GALNT13: variants seen among roughly 807,000 people sequenced by gnomAD.
GALNT13 encodes the protein UDP-GalNAc:polypeptide N-acetylgalactosaminyltransferase 13.
GALNT13 carries 28 observed loss-of-function variants against 64.2 expected under a neutral mutation model. The observed-to-expected ratio is 0.44, with a 90% CI of 0.32 to 0.60. The LOEUF (loss-of-function observed/expected upper bound fraction) is 0.60. GALNT13 is among the 20% of genes least tolerant of loss of function. The pLI is 0.05. For synonymous variants in GALNT13, 214 were observed against 224.6 expected (o/e 0.95, Z 0.42); for missense variants, 577 against 669.8 (o/e 0.86, Z 1.53).
chr2:153,640,158 T>G, the GALNT13 span, among the ~76,000 whole-genome samples: 1 of 151,880 alleles, frequency 6.6e-6, no homozygotes, highest in Non-Finnish European at 1.5e-5. Flanking sequence ...TGGCTCCCTC[T>G]TGTCTCTATC....
chr2:154,354,310 G>A (rs1028819031), intron 9 of GALNT13, among the ~76,000 whole-genome samples: 4 of 151,224 alleles, frequency 2.6e-5, no homozygotes, highest in African/African-American at 9.7e-5. Context: ...TATCAGATAT[G>A]TGGGTTACAA....
Position 153,978,637 on chromosome 2 carries a change from C to G in GALNT13, c.142+33998C>G, listed in dbSNP as rs1325744342. Among the ~76,000 whole-genome samples, 3 of 152,100 alleles carry G rather than the reference C, an allele frequency of 2.0e-5. No individual in the cohort carries two copies. The East Asian group carries it at 5.8e-4, about 29-fold the overall frequency. On this transcript the variant is annotated intron_variant, in intron 3 of 12. Transcript: ENST00000392825. Reference sequence around the variant, plus strand: ...CTTGCCACCACCATGTAAGAAGTGCCTTTTACCTCCTGCCATGATTCTGTG... The same window carrying G: ...CTTGCCACCACCATGTAAGAAGTGCGTTTTACCTCCTGCCATGATTCTGTG...
At chr2:153,843,260 C>A in the GALNT13 span, among the ~76,000 whole-genome samples, 1 of 152,098 alleles carries the variant, frequency 6.6e-6, no homozygotes, top group Non-Finnish European at 1.5e-5. Flanking sequence ...AGGAAGCTTA[C>A]AATAATGGCA....
At chr2:153,482,969 G>GA in the GALNT13 span, among the ~76,000 whole-genome samples, 2 of 152,014 alleles carry the variant, frequency 1.3e-5, no homozygotes, top group Admixed American at 6.5e-5. Flanking sequence ...GTCATTAAAT[G>GA]AAAAAAGCCA....
chr2:153,222,762 A>C, the GALNT13 span, among the ~76,000 whole-genome samples: 4 of 152,164 alleles, frequency 2.6e-5, no homozygotes, highest in African/African-American at 9.6e-5. Flanking sequence ...GGGCTGTGAC[A>C]GTGTCCCGGC....
At chr2:153,793,868 A>G in the GALNT13 span, among the ~76,000 whole-genome samples, 1 of 152,192 alleles carries the variant, frequency 6.6e-6, no homozygotes, top group Non-Finnish European at 1.5e-5. Context: ...TGTTAAACAA[A>G]TGAATAAATA....
At chr2:153,580,472 G>T in the GALNT13 span, among the ~76,000 whole-genome samples, 1 of 152,116 alleles carries the variant, frequency 6.6e-6, no homozygotes, top group Admixed American at 6.6e-5. Flanking sequence ...ATATCTACTT[G>T]TATGCCAGGT....
chr2:153,290,507 C>T, the GALNT13 span, among the ~76,000 whole-genome samples: 44,984 of 151,994 alleles, frequency 0.3, 6,922 homozygotes, highest in African/African-American at 0.37. Flanking sequence ...AGAATCACTT[C>T]ATTATAGATC....
At chr2:153,692,382 C>A in the GALNT13 span, among the ~76,000 whole-genome samples, 1 of 152,100 alleles carries the variant, frequency 6.6e-6, no homozygotes, top group Admixed American at 6.6e-5. Context: ...TGAATCCCTG[C>A]AAATATCATA....
chr2:153,123,761 T>C, the GALNT13 span, among the ~76,000 whole-genome samples: 2 of 152,324 alleles, frequency 1.3e-5, no homozygotes, highest in East Asian at 3.9e-4. Flanking sequence ...TTCATATTAA[T>C]TGATAAATTA....
At chr2:153,283,213 A>G in the GALNT13 span, among the ~76,000 whole-genome samples, 4 of 152,142 alleles carry the variant, frequency 2.6e-5, no homozygotes, top group Admixed American at 2.6e-4. Flanking sequence ...CACTAGTACT[A>G]AGGGAGAATT....
chr2:153,792,490 A>G, the GALNT13 span, among the ~76,000 whole-genome samples: 5 of 152,286 alleles, frequency 3.3e-5, no homozygotes, highest in East Asian at 9.7e-4. Context: ...GGGTCCTGGA[A>G]CCACTCCCTA....
At chr2:153,532,463 C>T in the GALNT13 span, among the ~76,000 whole-genome samples, 1 of 152,132 alleles carries the variant, frequency 6.6e-6, no homozygotes, top group African/African-American at 2.4e-5. Flanking sequence ...GGAGAGTCTA[C>T]CTCAAAGGTC....
At chr2:153,309,485 C>T in the GALNT13 span, among the ~76,000 whole-genome samples, 5 of 151,750 alleles carry the variant, frequency 3.3e-5, no homozygotes, top group Non-Finnish European at 5.9e-5. Flanking sequence ...ACCACTTCTC[C>T]CTAACTTTGG....
chr2:153,513,833 A>G, the GALNT13 span, among the ~76,000 whole-genome samples: 8 of 152,154 alleles, frequency 5.3e-5, no homozygotes, highest in Admixed American at 4.6e-4. Context: ...AAATATAACT[A>G]AGCCTCCAGC....
the GALNT13 span, chr2:153,762,214 C>T: frequency 1.4e-5 from 1 of 69,086 alleles, no homozygotes; most frequent in Non-Finnish European, 3.5e-5. Flanking sequence ...ATACTTCTCT[C>T]CTCTTTTTTT....
the GALNT13 span, among the ~76,000 whole-genome samples, chr2:153,174,799 A>G: frequency 6.6e-6 from 1 of 152,124 alleles, no homozygotes; most frequent in African/African-American, 2.4e-5. Flanking sequence ...TACCTGAAGC[A>G]TCTTTAATAT....
the GALNT13 span, among the ~76,000 whole-genome samples, chr2:153,697,985 C>A: frequency 6.6e-6 from 1 of 152,114 alleles, no homozygotes; most frequent in East Asian, 1.9e-4. Context: ...ATTTCATATC[C>A]GGCCAAACTA....
intron 8 of GALNT13, among the ~76,000 whole-genome samples, chr2:154,260,354 T>C (rs1185978910): frequency 3.9e-5 from 6 of 152,186 alleles, no homozygotes; most frequent in Admixed American, 3.3e-4. Flanking sequence ...CGTGTGATGT[T>C]GTGTAAGAAA....
Sources: allele counts gnomAD v4.1 joint callset (sites outside exome capture counted in the v4.1 genomes callset), GRCh38; gene constraint gnomAD v4.1.1; transcripts MANE v1.5; gene names NCBI Gene and HGNC (gene_info 2026-07-23, HGNC 2026-07-21).